The following PRKAG2 variants were observed in gnomAD, a reference collection of about 807,000 sequenced individuals.
PRKAG2 encodes 5'-AMP-activated protein kinase subunit gamma-2.
A neutral mutation model predicts 69.6 loss-of-function variants in PRKAG2; 26 were observed. The ratio of observed to expected loss-of-function variants is 0.37; its 90% CI spans 0.27 to 0.52. The LOEUF (loss-of-function observed/expected upper bound fraction) is 0.52. Ranked by LOEUF, PRKAG2 falls within the 20% of genes least tolerant of loss-of-function variation. PRKAG2 has a pLI of 0.90. For missense variants in PRKAG2, 557 were observed against 740.0 expected (o/e 0.75, Z 2.87); for synonymous variants, 293 against 285.0 (o/e 1.03, Z -0.28).
intron 4 of PRKAG2, chr7:151,674,828 A>G (rs1180895577): frequency 6.1e-6 from 1 of 164,408 alleles, no homozygotes; most frequent in Non-Finnish European, 1.3e-5. Flanking sequence ...GTAAATTCAA[A>G]TAAAGCTTTC....
At chr7:151,804,966 G>A (rs746162387) in intron 1 of PRKAG2, among the ~76,000 whole-genome samples, 1 of 152,202 alleles carries the variant, frequency 6.6e-6, no homozygotes. Flanking sequence ...GAAAGCCGCT[G>A]CGGAAGTGGC....
rs2076603398 is a variant in PRKAG2 at position 151,780,339 on chromosome 7, C to A, written c.466+813G>T. 6.6e-6 allele frequency among the ~76,000 whole-genome samples: 1 copy of A among 152,216 alleles called. No individual in the cohort carries two copies. Among genetic ancestry groups the A allele is most frequent in the South Asian group, 2.1e-4 (1 of 4,830 alleles). ...ATTGCCAGTCTTTCTGAGTAAAAGT[C>A]AGCCTGGAGAGAAAGGTGAACTATC... On this transcript the variant is annotated intron_variant, in intron 3 of 15. Coordinates refer to ENST00000287878, the MANE Select transcript of PRKAG2 (RefSeq NM_016203.4). This position sits in a 1 kb window ranked among gnomAD's most constrained non-coding sequence, Gnocchi z 4.2.
intron 1 of PRKAG2, among the ~76,000 whole-genome samples, chr7:151,797,371 C>A (rs556115741): frequency 6.6e-6 from 1 of 152,172 alleles, no homozygotes; most frequent in Non-Finnish European, 1.5e-5. Flanking sequence ...TGTAAGGTCA[C>A]CGAGTTGCTG....
intron 4 of PRKAG2, among the ~76,000 whole-genome samples, chr7:151,661,428 C>A (rs543577437): frequency 3.9e-5 from 6 of 152,256 alleles, no homozygotes; most frequent in East Asian, 3.9e-4. Context: ...TCCAACCCCC[C>A]ACCTTGGCCT....
At chr7:151,748,286 T>C (rs1293039323) in intron 3 of PRKAG2, among the ~76,000 whole-genome samples, 3 of 152,188 alleles carry the variant, frequency 2.0e-5, no homozygotes, top group Non-Finnish European at 4.4e-5. Context: ...ATAGATAGTA[T>C]ATGTAACAAT....
chr7:151,560,757 T>G, intron 14 of PRKAG2, 140 bp from the exon 15 acceptor site: 7 of 1,158,668 alleles, frequency 6.0e-6, no homozygotes, highest in Non-Finnish European at 8.6e-6. Context: ...ACATCATCTC[T>G]ACAAAAACAT....
chr7:151,830,889 T>G (rs1237751165), intron 1 of PRKAG2, among the ~76,000 whole-genome samples: 1 of 151,954 alleles, frequency 6.6e-6, no homozygotes, highest in African/African-American at 2.4e-5. Context: ...AGTCATCCAA[T>G]GTCACTAAAA....
At chr7:151,769,754 G>A (rs1295650727) in intron 3 of PRKAG2, among the ~76,000 whole-genome samples, 1 of 152,162 alleles carries the variant, frequency 6.6e-6, no homozygotes, top group African/African-American at 2.4e-5. Context: ...GAGGTGTGGC[G>A]GAAACACGAG....
At chr7:151,656,498 G>A (rs1404608044) in intron 4 of PRKAG2, among the ~76,000 whole-genome samples, 2 of 152,248 alleles carry the variant, frequency 1.3e-5, no homozygotes, top group South Asian at 2.1e-4. Context: ...GGAGGTTACA[G>A]TGAGCCAAGA....
intron 1 of PRKAG2, among the ~76,000 whole-genome samples, chr7:151,832,529 GAGGA>G (rs1169608662): frequency 2.6e-5 from 4 of 151,894 alleles, no homozygotes; most frequent in African/African-American, 9.7e-5. Flanking sequence ...CACCCCCTCA[GAGGA>G]AGGAGCCTAG....
rs2080416563 is a variant in PRKAG2 at position 151,876,795 on chromosome 7, C to T, written c.-175G>A. ...AGGGAACTCGCGCGGCCGCCGCCGCCGCCGAAGCGCCGAATTCAAGCGTCC... is the reference window on the plus strand; with the variant it reads ...AGGGAACTCGCGCGGCCGCCGCCGCTGCCGAAGCGCCGAATTCAAGCGTCC... On this transcript the variant is annotated 5_prime_UTR_variant, in exon 1 of 16. Transcript: ENST00000287878. The T allele has an allele frequency of 9.0e-6, 6 of 668,394 alleles. No individual in the cohort carries two copies. The highest frequency in any genetic ancestry group is 1.6e-5 in the Non-Finnish European group (6 of 376,922). 41.4% of individuals were successfully genotyped at this position (668,394 alleles called of 1,614,324 possible). A position where few individuals can be genotyped will look rare whatever the true frequency, so the allele number is the denominator to read the frequency against.
intron 5 of PRKAG2, among the ~76,000 whole-genome samples, chr7:151,617,192 C>T (rs1248565000): frequency 2.7e-5 from 4 of 149,122 alleles, no homozygotes; most frequent in African/African-American, 1.0e-4. Flanking sequence ...AACCTGGAGG[C>T]GGAGGTTGCA....
chr7:151,559,702 C>A, intron 15 of PRKAG2: 1 of 985,298 alleles, frequency 1.0e-6, no homozygotes, highest in African/African-American at 1.7e-5. Context: ...AAAGAGAAAT[C>A]AATACTGTAG....
intron 1 of PRKAG2, among the ~76,000 whole-genome samples, chr7:151,857,289 G>C (rs943686115): frequency 1.3e-5 from 2 of 150,852 alleles, no homozygotes; most frequent in African/African-American, 4.9e-5. Flanking sequence ...CCAGCTCCCA[G>C]ATCACTGAGC....
At chr7:151,601,594 C>T (rs1816082621) in intron 5 of PRKAG2, among the ~76,000 whole-genome samples, 1 of 152,160 alleles carries the variant, frequency 6.6e-6, no homozygotes, top group African/African-American at 2.4e-5. Context: ...TGAGGCTGTA[C>T]AGACCTCAGA....
rs1342738609 is a variant in PRKAG2, at chr7:151,835,940, C to T, written c.114+40567G>A. ...GAGGCATCGGAGATGGGGACTGTGACGAGGCCAATCCACGGGCATTGATTG... is the reference window on the plus strand; with the variant it reads ...GAGGCATCGGAGATGGGGACTGTGATGAGGCCAATCCACGGGCATTGATTG... On this transcript the variant is annotated intron_variant, in intron 1 of 15. Transcript: ENST00000287878. The surrounding 1 kb of genome is among the most constrained non-coding windows in gnomAD (Gnocchi z 4.1). 3.9e-5 allele frequency among the ~76,000 whole-genome samples: 6 copies of T among 152,266 alleles called. No individual in the cohort carries two copies. Among genetic ancestry groups the T allele is most frequent in the South Asian group, 2.1e-4 (1 of 4,818 alleles).
intron 6 of PRKAG2, among the ~76,000 whole-genome samples, chr7:151,577,170 A>AC (rs11432475): frequency 0.36 from 54,279 of 151,884 alleles, 10,794 homozygotes; most frequent in African/African-American, 0.53. Flanking sequence ...TTTCAATGAG[A>AC]AAACAAGCAT....
intron 6 of PRKAG2, among the ~76,000 whole-genome samples, chr7:151,592,478 C>A (rs60472914): frequency 0.015 from 2,358 of 152,260 alleles, 54 homozygotes; most frequent in African/African-American, 0.054. Flanking sequence ...CGAGACTGCT[C>A]TTCCCCCTCA....
chr7:151,651,823 C>T (rs1478027813), intron 4 of PRKAG2, among the ~76,000 whole-genome samples: 2 of 152,002 alleles, frequency 1.3e-5, no homozygotes, highest in African/African-American at 4.8e-5. Context: ...ACAAGTACTG[C>T]ATGAGCTCAC....
Sources: allele counts gnomAD v4.1 joint callset (sites outside exome capture counted in the v4.1 genomes callset), GRCh38; gene constraint gnomAD v4.1.1; non-coding constraint Gnocchi (gnomAD v3.1); transcripts MANE v1.5; gene names NCBI Gene and HGNC (gene_info 2026-07-23, HGNC 2026-07-21).